Variants in GAB2 observed in about 807,000 individuals in gnomAD.
GAB2 encodes the protein GRB2-associated-binding protein 2.
In GAB2, 26 loss-of-function variants were observed where a neutral mutation model predicts 65.5. That is an observed-to-expected ratio of 0.40 (90% CI 0.29 to 0.55). The LOEUF is 0.55. Ranked by LOEUF, GAB2 falls within the 20% of genes least tolerant of loss-of-function variation. GAB2 has a pLI of 0.53. For synonymous variants in GAB2, 321 were observed against 329.6 expected (o/e 0.97, Z 0.28); for missense variants, 884 against 875.8 (o/e 1.01, Z -0.12).
chr11:78,297,868 T>C (rs1866882777), intron 1 of GAB2, among the ~76,000 whole-genome samples: 1 of 152,126 alleles, frequency 6.6e-6, no homozygotes, highest in Non-Finnish European at 1.5e-5. Flanking sequence ...ATAAAGTGTA[T>C]ATATAGCATA....
At chr11:78,376,985 C>T (rs995098559) in intron 1 of GAB2, among the ~76,000 whole-genome samples, 2 of 152,250 alleles carry the variant, frequency 1.3e-5, no homozygotes, top group Non-Finnish European at 2.9e-5. Context: ...GCACCTCCTG[C>T]CACCCCGACT....
intron 1 of GAB2, among the ~76,000 whole-genome samples, chr11:78,323,465 A>T (rs1855764017): frequency 6.6e-6 from 1 of 151,966 alleles, no homozygotes; most frequent in South Asian, 2.1e-4. Flanking sequence ...AGCCGAGATC[A>T]TGCCACTGCA....
At chr11:78,390,875 CCAGA>C (rs1221647524) in intron 1 of GAB2, among the ~76,000 whole-genome samples, 1 of 152,132 alleles carries the variant, frequency 6.6e-6, no homozygotes, top group Non-Finnish European at 1.5e-5. Flanking sequence ...CAACGGTTTG[CCAGA>C]CACTGTTCTA....
intron 2 of GAB2, among the ~76,000 whole-genome samples, chr11:78,274,649 A>T (rs760591997): frequency 6.6e-6 from 1 of 152,246 alleles, no homozygotes; most frequent in Non-Finnish European, 1.5e-5. Flanking sequence ...CCCAGTGTAC[A>T]GACTAACCAA....
intron 2 of GAB2, among the ~76,000 whole-genome samples, chr11:78,252,247 A>G (rs1865475820): frequency 6.6e-6 from 1 of 152,260 alleles, no homozygotes; most frequent in South Asian, 2.1e-4. Flanking sequence ...AGTGTACAAC[A>G]GAAAAAGCTG....
chr11:78,353,192 G>T (rs1285597136), intron 1 of GAB2, among the ~76,000 whole-genome samples: 1 of 152,170 alleles, frequency 6.6e-6, no homozygotes, highest in Non-Finnish European at 1.5e-5. Context: ...TGTAATCCCA[G>T]CACTTTGGGA....
rs58668713 is a variant in GAB2 at position 78,370,712 on chromosome 11, C to CCTGTGTGTATGTGTGTGTGTGTGTGT, written c.75+46933_75+46934insACACACACACACACACATACACACAG. On this transcript the variant is annotated intron_variant, in intron 1 of 9. Coordinates refer to ENST00000361507, the MANE Select transcript of GAB2 (RefSeq NM_080491.3). The stretch of plus-strand genomic sequence containing the variant: ...ACTACTAATATTGTATGTGTGTGTG[C>CCTGTGTGTATGTGTGTGTGTGTGTGT]GTGTGTGTGTGTATGTGTGTGTGTG... Among the ~76,000 whole-genome samples, 115 of 123,300 alleles carry CCTGTGTGTATGTGTGTGTGTGTGTGT rather than the reference C, an allele frequency of 9.3e-4. 1 individual carries two copies. Among genetic ancestry groups the CCTGTGTGTATGTGTGTGTGTGTGTGT allele is most frequent in the African/African-American group, 2.9e-3 (102 of 34,656 alleles). The allele number at this position is 123,300 out of a possible 152,430, so 80.9% of individuals were successfully genotyped here. A position where few individuals can be genotyped will look rare whatever the true frequency, so the allele number is the denominator to read the frequency against.
chr11:78,276,762 C>G (rs1477955585), intron 2 of GAB2, among the ~76,000 whole-genome samples: 1 of 152,166 alleles, frequency 6.6e-6, no homozygotes, highest in Non-Finnish European at 1.5e-5. Flanking sequence ...AAGTCCTATA[C>G]AGTAAAAGGA....
chr11:78,223,125 T>C (rs1864508973), intron 6 of GAB2, among the ~76,000 whole-genome samples: 2 of 152,146 alleles, frequency 1.3e-5, no homozygotes, highest in African/African-American at 4.8e-5. Flanking sequence ...GAGAGTGAGA[T>C]TGTAGCAGAC....
intron 1 of GAB2, among the ~76,000 whole-genome samples, chr11:78,368,294 C>T (rs1856524692): frequency 1.3e-5 from 2 of 152,186 alleles, no homozygotes; most frequent in Admixed American, 1.3e-4. Flanking sequence ...GATTATTCAA[C>T]AGATTAATAC....
At chr11:78,321,139 T>C (rs1044309621) in intron 1 of GAB2, among the ~76,000 whole-genome samples, 1 of 152,138 alleles carries the variant, frequency 6.6e-6, no homozygotes, top group African/African-American at 2.4e-5. Context: ...TACATTTGGA[T>C]GTCATCAGCA....
intron 2 of GAB2, among the ~76,000 whole-genome samples, chr11:78,253,002 TCC>T (rs1373503213): frequency 9.2e-5 from 13 of 141,704 alleles, no homozygotes; most frequent in Admixed American, 1.4e-4. Context: ...CAAATATCTT[TCC>T]TTTTTTTTTT....
chr11:78,275,896 T>C (rs1372426865), intron 2 of GAB2, among the ~76,000 whole-genome samples: 4 of 151,940 alleles, frequency 2.6e-5, no homozygotes, highest in Non-Finnish European at 5.9e-5. Flanking sequence ...AGTGGATCAC[T>C]TGAGGTTAGG....
intron 1 of GAB2, among the ~76,000 whole-genome samples, chr11:78,377,962 A>C (rs1176202733): frequency 1.3e-5 from 2 of 152,168 alleles, no homozygotes; most frequent in Non-Finnish European, 1.5e-5. Context: ...ACGAGATGCA[A>C]ACATGATTCT....
intron 1 of GAB2, among the ~76,000 whole-genome samples, chr11:78,399,046 A>G (rs1038443010): frequency 6.6e-6 from 1 of 152,228 alleles, no homozygotes; most frequent in Non-Finnish European, 1.5e-5. Context: ...ACCCTAATTG[A>G]TCACTTTGAA....
intron 2 of GAB2, among the ~76,000 whole-genome samples, chr11:78,258,537 A>C (rs957585237): frequency 6.6e-6 from 1 of 152,032 alleles, no homozygotes; most frequent in Non-Finnish European, 1.5e-5. Context: ...AGAAACATGT[A>C]TTTAAAAGTT....
intron 1 of GAB2, among the ~76,000 whole-genome samples, chr11:78,287,973 T>C (rs1866532498): frequency 6.6e-6 from 1 of 151,908 alleles, no homozygotes; most frequent in Non-Finnish European, 1.5e-5. Context: ...ATTCAACATA[T>C]TGCTGGAAGT....
intron 1 of GAB2, among the ~76,000 whole-genome samples, chr11:78,335,889 G>A (rs1333669091): frequency 6.6e-6 from 1 of 151,912 alleles, no homozygotes; most frequent in Admixed American, 6.6e-5. Flanking sequence ...CCATTTTCTG[G>A]TGCCTTCTTT....
chr11:78,220,983 G>A (rs1260770789), intron 8 of GAB2, among the ~76,000 whole-genome samples: 5 of 152,172 alleles, frequency 3.3e-5, no homozygotes, highest in African/African-American at 1.2e-4. Flanking sequence ...CCCCCGCCTA[G>A]CTCCTCCAAG....
Sources: gnomAD v4.1 joint callset for allele counts (sites outside exome capture counted in the v4.1 genomes callset) on GRCh38, gnomAD v4.1.1 for gene constraint, MANE v1.5 for transcripts, NCBI Gene and HGNC (gene_info 2026-07-23, HGNC 2026-07-21) for gene names.